The following MAP3K15 variants were observed in gnomAD, a reference collection of about 807,000 sequenced individuals.
The protein encoded by MAP3K15 is mitogen-activated protein kinase kinase kinase 15.
MAP3K15 carries 124 observed loss-of-function variants against 99.5 expected under a neutral mutation model. The observed-to-expected ratio is 1.25, with a 90% CI of 1.08 to 1.45. The LOEUF is 1.45. MAP3K15 is among the 40% of genes most tolerant of loss of function. MAP3K15 has a pLI of 0.00. For synonymous variants in MAP3K15, 494 were observed against 439.6 expected, an observed-to-expected ratio of 1.12 and a Z score of -1.55; for missense variants, 1,242 against 1,079.7, an observed-to-expected ratio of 1.15 and a Z score of -2.11.
At chrX:19,421,286 A>G in intron 9 of MAP3K15, among the ~76,000 whole-genome samples, 1 of 111,563 alleles carries the variant, frequency 9.0e-6, no homozygotes, top group Non-Finnish European at 1.9e-5. Flanking sequence ...AGAAAACCCC[A>G]TCGTCTCGCC....
At chrX:19,508,605 G>T (rs995050509) in intron 1 of MAP3K15, among the ~76,000 whole-genome samples, 1 of 112,170 alleles carries the variant, frequency 8.9e-6, no homozygotes, top group Non-Finnish European at 1.9e-5. Context: ...CACAAGGACC[G>T]GGGGTGGTGG....
At position 19,447,883 on chromosome X, in the gene MAP3K15, CAAAAA is replaced by C. The variant is rs753152404; in HGVS notation, c.995+9025_995+9029del. On this transcript the variant is annotated intron_variant, in intron 6 of 28. Transcript: ENST00000338883. ...TGGGCGACAGAGCGAGACTCCGTCT[CAAAAA>C]AAAAAAAAAAAAAAAAAGAAACCCA... Among the ~76,000 whole-genome samples the C allele has an allele frequency of 4.6e-3, 119 of 25,966 alleles. 2 individuals carry two copies. Among genetic ancestry groups the C allele is most frequent in the African/African-American group, 0.013 (110 of 8,485 alleles). 22.5% of individuals were successfully genotyped at this position (25,966 alleles called of 115,157 possible). A position where few individuals can be genotyped will look rare whatever the true frequency, so the allele number is the denominator to read the frequency against.
intron 3 of MAP3K15, among the ~76,000 whole-genome samples, chrX:19,470,604 T>G (rs1479647581): frequency 9.2e-6 from 1 of 108,118 alleles, no homozygotes; most frequent in Non-Finnish European, 1.9e-5. Flanking sequence ...TAGACTTCAC[T>G]GAACTAGTCA....
intron 7 of MAP3K15, among the ~76,000 whole-genome samples, chrX:19,426,828 A>AAAAAAAAAAAAAAAAG: frequency 9.8e-6 from 1 of 102,528 alleles, no homozygotes; most frequent in African/African-American, 4.0e-5. Flanking sequence ...CAAAAAAAAA[A>AAAAAAAAAAAAAAAAG]AAAAAAAAAA....
At chrX:19,402,552 C>G (rs188619725) in intron 13 of MAP3K15, among the ~76,000 whole-genome samples, 1 of 111,498 alleles carries the variant, frequency 9.0e-6, no homozygotes, top group Non-Finnish European at 1.9e-5. Flanking sequence ...TCATAATAAC[C>G]CCCAAACAGA....
At chrX:19,455,946 G>T (rs370358714) in intron 6 of MAP3K15, among the ~76,000 whole-genome samples, 1 of 110,651 alleles carries the variant, frequency 9.0e-6, no homozygotes, top group South Asian at 3.9e-4. Context: ...ACTATGTCGG[G>T]GGAACAAAGT....
chrX:19,386,412 C>T (rs1043090276), intron 18 of MAP3K15, among the ~76,000 whole-genome samples: 5 of 111,420 alleles, frequency 4.5e-5, no homozygotes, highest in African/African-American at 9.8e-5. Context: ...GCCATGAACG[C>T]GCCACTGCAC....
Position 19,372,770 on chromosome X carries a change from G to C in MAP3K15, c.2991C>G (p.Asp997Glu). ...GTAGCAGGAAGAGGCCCTGGTCCCT[G>C]TCCTCCGGGGACGAGGCCAAGCCCC... ...EDRGLASSPEDRDQGLFLLRK... is the reference protein window; with the variant it reads ...EDRGLASSPEERDQGLFLLRK... Residue 997 changes from aspartate to glutamate, a missense_variant, in exon 22 of 29, where the codon GAC becomes GAG. Transcript: ENST00000338883. The C allele has an allele frequency of 3.3e-6, 4 of 1,211,634 alleles. No individual in the cohort carries two copies. Among genetic ancestry groups the C allele is most frequent in the Non-Finnish European group, 4.5e-6 (4 of 895,297 alleles).
At chrX:19,390,096 G>A (rs1388062732) in intron 18 of MAP3K15, among the ~76,000 whole-genome samples, 1 of 110,536 alleles carries the variant, frequency 9.0e-6, no homozygotes, top group Non-Finnish European at 1.9e-5. Flanking sequence ...TCTTTAGATG[G>A]TGAATGTGTC....
intron 3 of MAP3K15, among the ~76,000 whole-genome samples, chrX:19,472,085 G>A (rs990825314): frequency 4.5e-5 from 5 of 110,348 alleles, no homozygotes; most frequent in African/African-American, 9.9e-5. Flanking sequence ...TTAGCCGGGC[G>A]TAGTGGCAGG....
At chrX:19,391,946 G>C in intron 18 of MAP3K15, 56 bp downstream of exon 18, 1 of 882,256 alleles carries the variant, frequency 1.1e-6, no homozygotes, top group Non-Finnish European at 1.7e-6. Flanking sequence ...ACCGCAGCTT[G>C]TGCAGAAAGC....
chrX:19,426,740 CCCGG>C (rs1327288403), intron 7 of MAP3K15, among the ~76,000 whole-genome samples: 1 of 102,299 alleles, frequency 9.8e-6, no homozygotes, highest in African/African-American at 3.8e-5. Flanking sequence ...TTAGCTTGAA[CCCGG>C]GAGGTGGAAC....
chrX:19,513,396 A>G (rs1162481688), intron 1 of MAP3K15, among the ~76,000 whole-genome samples: 1 of 112,366 alleles, frequency 8.9e-6, no homozygotes, highest in South Asian at 3.7e-4. Context: ...TTTGGAGCAG[A>G]ATGAATACAA....
At chrX:19,452,033 TG>T (rs1485509736) in intron 6 of MAP3K15, among the ~76,000 whole-genome samples, 1 of 101,600 alleles carries the variant, frequency 9.8e-6, no homozygotes, top group Non-Finnish European at 2.0e-5. Context: ...CACTCCAGCC[TG>T]GGTGACAGAG....
At chrX:19,485,927 C>G (rs1157862578) in intron 3 of MAP3K15, among the ~76,000 whole-genome samples, 1 of 111,572 alleles carries the variant, frequency 9.0e-6, no homozygotes, top group Non-Finnish European at 1.9e-5. Context: ...TTTCATTATA[C>G]TATTCAAACC....
At position 19,374,664 on chromosome X, in the gene MAP3K15, C is replaced by T. The variant is rs765857214; in HGVS notation, c.2590-4G>A. 1.7e-6 allele frequency: 2 copies of T among 1,205,728 alleles called. No homozygotes were observed. The highest frequency in any genetic ancestry group is 2.2e-5 in the Admixed American group (1 of 45,669). ...GGTGGATCTTAAACATGCCCACCTG[C>T]ATTTAAGGGAGAGGTAACCGATGTG... On this transcript the variant is annotated splice_region_variant and splice_polypyrimidine_tract_variant and intron_variant, in intron 19 of 28. Transcript: ENST00000338883.
intron 3 of MAP3K15, among the ~76,000 whole-genome samples, chrX:19,466,094 C>T (rs2064167310): frequency 9.0e-6 from 1 of 110,777 alleles, no homozygotes; most frequent in Non-Finnish European, 1.9e-5. Flanking sequence ...GTTGGGATTA[C>T]AGGTGTGAGC....
intron 1 of MAP3K15, among the ~76,000 whole-genome samples, chrX:19,507,575 C>CAAAAAAAAAA (rs1165492097): frequency 2.8e-4 from 3 of 10,895 alleles, no homozygotes; most frequent in Non-Finnish European, 4.8e-4. Flanking sequence ...CACCTTGTCT[C>CAAAAAAAAAA]AAAAAAAAAA....
In MAP3K15 at chrX:19,513,962, C is replaced by T. The variant is rs1450199571; in HGVS notation, c.361+939G>A. ...TAGTGAGTTTAGAGACCTAGAGTCC[C>T]ACTCCAGCAAAGGTGCCCCCTAACC... On this transcript the variant is annotated intron_variant, in intron 1 of 28. Coordinates refer to ENST00000338883, the MANE Select transcript of MAP3K15 (RefSeq NM_001001671.4). 6.3e-5 allele frequency among the ~76,000 whole-genome samples: 7 copies of T among 110,842 alleles called. No individual in the cohort carries two copies. In the Admixed American group the frequency reaches 6.7e-4, roughly 11 times the overall value.
Sources: allele counts gnomAD v4.1 joint callset (sites outside exome capture counted in the v4.1 genomes callset), GRCh38; gene constraint gnomAD v4.1.1; transcripts MANE v1.5; gene names NCBI Gene and HGNC (gene_info 2026-07-23, HGNC 2026-07-21).